The following UBN1 variants were observed in gnomAD, a reference collection of about 807,000 sequenced individuals.
UBN1 encodes the protein ubinuclein-1.
UBN1 carries 17 observed loss-of-function variants against 108.5 expected under a neutral mutation model. The ratio of observed to expected loss-of-function variants is 0.16; its 90% CI spans 0.11 to 0.24. UBN1 has a LOEUF of 0.24. Ranked by LOEUF, UBN1 falls within the 10% of genes least tolerant of loss-of-function variation. The pLI, the probability that UBN1 is intolerant of heterozygous loss-of-function variation, is 1.00. For synonymous variants in UBN1, 726 were observed against 564.2 expected, an observed-to-expected ratio of 1.29 and a Z score of -4.07; for missense variants, 1,595 against 1,394.4, an observed-to-expected ratio of 1.14 and a Z score of -2.29.
intron 9 of UBN1, 71 bp downstream of exon 9, chr16:4,870,412 G>T: frequency 6.2e-7 from 1 of 1,609,106 alleles, no homozygotes. Context: ...CTTAAGCAAT[G>T]ATGCGTCTGC....
rs117835264 is a variant in UBN1 at position 4,850,650 on chromosome 16, C to T, written c.-39-2229C>T. On this transcript the variant is annotated intron_variant, in intron 1 of 17. Transcript: ENST00000262376. ...CCTGTTACACTGCTAATCGTTTTGCCGCCTGATTAGAATTATTTTAACTCT... is the reference window on the plus strand; with the variant it reads ...CCTGTTACACTGCTAATCGTTTTGCTGCCTGATTAGAATTATTTTAACTCT... Among the ~76,000 whole-genome samples the T allele has an allele frequency of 1.9e-3, 286 of 152,184 alleles. 1 individual carries two copies. Among genetic ancestry groups the T allele is most frequent in the Non-Finnish European group, 3.3e-3 (227 of 68,010 alleles).
rs74752262 is a variant in UBN1, at chr16:4,879,133, G to A, written c.3356-950G>A. 6.8e-3 allele frequency among the ~76,000 whole-genome samples: 1,035 copies of A among 152,296 alleles called. 11 individuals carry two copies. In the Middle Eastern group the frequency reaches 0.092, roughly 14 times the overall value. On this transcript the variant is annotated intron_variant, in intron 17 of 17. Coordinates refer to ENST00000262376, the MANE Select transcript of UBN1 (RefSeq NM_001079514.3). ...TGACTGTAGTTAACAGTAGTATGTA[G>A]TTTCAGTTAGGAGGAGGATATTGAA... is the stretch of plus-strand genomic sequence containing the variant.
intron 1 of UBN1, 22 bp from the exon 2 acceptor site, chr16:4,852,857 C>A: frequency 1.9e-6 from 3 of 1,542,496 alleles, no homozygotes; most frequent in Non-Finnish European, 2.6e-6. Context: ...TTTGACCTGG[C>A]CCTTCTTTTC....
At chr16:4,872,060 C>A in intron 12 of UBN1, 1 of 422,728 alleles carries the variant, frequency 2.4e-6, no homozygotes, top group Non-Finnish European at 3.2e-6. Context: ...TCACTTCCTG[C>A]GAATGAAGTA....
intron 2 of UBN1, among the ~76,000 whole-genome samples, chr16:4,855,089 T>C (rs1042640297): frequency 1.4e-4 from 21 of 152,276 alleles, no homozygotes; most frequent in East Asian, 1.9e-4. Context: ...AAAAGGTAAG[T>C]GGGCCCCACA....
At chr16:4,866,751 T>A (rs2087352014) in intron 7 of UBN1, among the ~76,000 whole-genome samples, 1 of 152,206 alleles carries the variant, frequency 6.6e-6, no homozygotes, top group African/African-American at 2.4e-5. Flanking sequence ...AGCTCGCGTG[T>A]TCCGCCCACC....
intron 4 of UBN1, 71 bp downstream of exon 4, chr16:4,858,734 C>A: frequency 6.7e-7 from 1 of 1,488,622 alleles, no homozygotes; most frequent in South Asian, 1.1e-5. Flanking sequence ...GACCAGGAAG[C>A]TGGGGGTGGG....
chr16:4,871,351 A>C (rs760299119), intron 12 of UBN1, 50 bp downstream of exon 12: 1 of 1,583,864 alleles, frequency 6.3e-7, no homozygotes, highest in Non-Finnish European at 8.6e-7. Context: ...GACACGTTTG[A>C]ACGCTGCTTT....
intron 1 of UBN1, among the ~76,000 whole-genome samples, chr16:4,851,229 C>T (rs945072890): frequency 6.6e-6 from 1 of 152,182 alleles, no homozygotes; most frequent in Admixed American, 6.5e-5. Context: ...AGGCTGGGCT[C>T]AGTGGCTCAC....
chr16:4,880,012 G>A (rs1174497904), intron 17 of UBN1, 71 bp from the exon 18 acceptor site: 1 of 1,550,302 alleles, frequency 6.5e-7, no homozygotes, highest in African/African-American at 1.4e-5. Flanking sequence ...CTTGAAGTTT[G>A]GTTACTACTG....
At chr16:4,876,051 C>T (rs1433310530) in intron 15 of UBN1, among the ~76,000 whole-genome samples, 13 of 151,832 alleles carry the variant, frequency 8.6e-5, no homozygotes, top group South Asian at 2.1e-4. Flanking sequence ...CTCCACCTCC[C>T]GGGTTCACGC....
At chr16:4,859,258 C>T (rs1053574637) in intron 5 of UBN1, 99 bp downstream of exon 5, 1 of 1,504,940 alleles carries the variant, frequency 6.6e-7, no homozygotes, top group Non-Finnish European at 8.9e-7. Flanking sequence ...TTGGCCGGCT[C>T]AGGAGGATGG....
At chr16:4,857,908 A>G (rs1398655963) in intron 2 of UBN1, 82 bp from the exon 3 acceptor site, 2 of 985,978 alleles carry the variant, frequency 2.0e-6, no homozygotes, top group East Asian at 2.4e-5. Context: ...TTATAGAGGT[A>G]TTGAGTAATC....
chr16:4,869,311 G>T (rs1252559453), intron 8 of UBN1, among the ~76,000 whole-genome samples: 1 of 152,182 alleles, frequency 6.6e-6, no homozygotes, highest in African/African-American at 2.4e-5. Context: ...TGGCGTCCCT[G>T]GCTGTTCCGC....
rs1007721380 is a variant in UBN1, at chr16:4,871,281, C to G, written c.1686C>G (p.Pro562=). 7.4e-6 allele frequency: 12 copies of G among 1,614,012 alleles called. No homozygotes were observed. Among genetic ancestry groups the G allele is most frequent in the Middle Eastern group, 1.6e-4 (1 of 6,078 alleles). The change falls in exon 12 of 18, where the codon CCC becomes CCG. Residue 562 remains proline, a synonymous_variant. Transcript: ENST00000262376. ...FLDAEVKPLW[P]KGWMQARTLF... is the part of the protein sequence containing the mutation. ...ATGCGGAAGTCAAGCCCCTCTGGCC[C>G]AAAGGCTGGATGCAGGCCAGGTGAG...
Position 4,877,870 on chromosome 16 carries a change from A to G in UBN1, c.3355+396A>G. On this transcript the variant is annotated intron_variant, in intron 17 of 17. Transcript: ENST00000262376. This position sits in a 1 kb window ranked among gnomAD's most constrained non-coding sequence, Gnocchi z 4.3. ...TAATTGGGTACAACAAGGTCTTGGA[A>G]TGCAAGCTGCTCCACTGTCAGATGT... 1.0e-6 allele frequency: 1 copy of G among 979,742 alleles called. No individual in the cohort carries two copies. The highest frequency in any genetic ancestry group is 1.2e-6 in the Non-Finnish European group (1 of 822,502). The allele number at this position is 979,742 out of a possible 1,614,324, so 60.7% of individuals were successfully genotyped here. A position where few individuals can be genotyped will look rare whatever the true frequency, so the allele number is the denominator to read the frequency against.
chr16:4,877,797 TTAAA>T lies in UBN1; in HGVS notation c.3355+324_3355+327del. The stretch of plus-strand genomic sequence containing the variant: ...CTCGGCTTGTTTTTTTCTCTTCAGT[TTAAA>T]AAAAAAAAAAAAGGGAAGGTAATGG... On this transcript the variant is annotated intron_variant, in intron 17 of 17. Transcript: ENST00000262376. The surrounding 1 kb of genome is among the most constrained non-coding windows in gnomAD (Gnocchi z 4.3). 1.2e-5 allele frequency: 12 copies of T among 1,010,606 alleles called. No individual in the cohort carries two copies. The highest frequency in any genetic ancestry group is 4.8e-5 in the South Asian group (1 of 20,882). The allele number at this position is 1,010,606 out of a possible 1,614,324, so 62.6% of individuals were successfully genotyped here. A position where few individuals can be genotyped will look rare whatever the true frequency, so the allele number is the denominator to read the frequency against.
intron 1 of UBN1, among the ~76,000 whole-genome samples, chr16:4,850,515 T>G (rs1046030547): frequency 1.3e-5 from 2 of 152,212 alleles, no homozygotes; most frequent in African/African-American, 4.8e-5. Context: ...TGGGATTTAT[T>G]TCCACAACCC....
chr16:4,858,988 C>T (rs1164951526), intron 4 of UBN1, 37 bp from the exon 5 acceptor site: 3 of 1,606,118 alleles, frequency 1.9e-6, no homozygotes, highest in East Asian at 4.5e-5. Flanking sequence ...ACTGCAGAAG[C>T]AGAACTTGGA....
Sources: gnomAD v4.1 joint callset for allele counts (sites outside exome capture counted in the v4.1 genomes callset) on GRCh38, gnomAD v4.1.1 for gene constraint, Gnocchi (gnomAD v3.1) non-coding constraint, MANE v1.5 for transcripts, NCBI Gene and HGNC (gene_info 2026-07-23, HGNC 2026-07-21) for gene names.